Variants in ZBTB7C observed in about 807,000 individuals in gnomAD.
ZBTB7C encodes zinc finger and BTB domain-containing protein 7C.
ZBTB7C carries 8 observed loss-of-function variants against 25.7 expected under a neutral mutation model. The ratio of observed to expected loss-of-function variants is 0.31; its 90% CI spans 0.18 to 0.56. ZBTB7C has a LOEUF of 0.56. ZBTB7C is among the 20% of genes least tolerant of loss of function. ZBTB7C has a pLI of 0.91. For missense variants in ZBTB7C, 824 were observed against 855.2 expected (o/e 0.96, Z 0.46); for synonymous variants, 394 against 369.0 (o/e 1.07, Z -0.78).
At chr18:48,066,912 G>A (rs1297502126) in intron 3 of ZBTB7C, among the ~76,000 whole-genome samples, 3 of 152,266 alleles carry the variant, frequency 2.0e-5, no homozygotes, top group East Asian at 3.9e-4. Context: ...GACCAGCCTG[G>A]GCAACATGGT....
chr18:48,375,780 G>T (rs967528785), intron 1 of ZBTB7C, among the ~76,000 whole-genome samples: 2 of 152,194 alleles, frequency 1.3e-5, no homozygotes, highest in African/African-American at 4.8e-5. Flanking sequence ...TATGAGATTT[G>T]CATGGAGAGG....
chr18:48,381,770 TC>T (rs1261018363), intron 1 of ZBTB7C, among the ~76,000 whole-genome samples: 2 of 152,224 alleles, frequency 1.3e-5, no homozygotes, highest in Non-Finnish European at 2.9e-5. Context: ...GCTCCACATG[TC>T]TTCTTCACTC....
intron 2 of ZBTB7C, among the ~76,000 whole-genome samples, chr18:48,247,038 A>G (rs1235139925): frequency 6.6e-6 from 1 of 152,234 alleles, no homozygotes; most frequent in African/African-American, 2.4e-5. Context: ...AAGGGGTTCT[A>G]TTAATATGCT....
intron 2 of ZBTB7C, among the ~76,000 whole-genome samples, chr18:48,309,893 A>G (rs931672538): frequency 1.2e-4 from 19 of 152,170 alleles, no homozygotes; most frequent in Non-Finnish European, 2.5e-4. Context: ...GGTTCTGGTA[A>G]GAGTTGCAAA....
chr18:48,139,645 C>A (rs1568249914), intron 3 of ZBTB7C, among the ~76,000 whole-genome samples: 1 of 152,142 alleles, frequency 6.6e-6, no homozygotes. Flanking sequence ...GTGTGTGTGC[C>A]CTGCTGGGAC....
At chr18:48,068,196 T>G (rs2037404880) in intron 3 of ZBTB7C, among the ~76,000 whole-genome samples, 1 of 147,836 alleles carries the variant, frequency 6.8e-6, no homozygotes, top group Non-Finnish European at 1.5e-5. Flanking sequence ...TGAAGTGCAG[T>G]GGTGCAACCT....
At chr18:48,140,766 G>A (rs781110016) in intron 3 of ZBTB7C, among the ~76,000 whole-genome samples, 8 of 152,106 alleles carry the variant, frequency 5.3e-5, no homozygotes, top group African/African-American at 1.4e-4. Flanking sequence ...TCAGCGCCAC[G>A]CTTGCTGCCT....
At chr18:48,395,516 G>C (rs934095359) in intron 1 of ZBTB7C, among the ~76,000 whole-genome samples, 6 of 151,476 alleles carry the variant, frequency 4.0e-5, no homozygotes, top group Non-Finnish European at 1.5e-5. Flanking sequence ...GGGGTGATGT[G>C]TATGAAGGTG....
At chr18:48,393,953 A>C (rs911487626) in intron 1 of ZBTB7C, among the ~76,000 whole-genome samples, 1 of 152,254 alleles carries the variant, frequency 6.6e-6, no homozygotes, top group South Asian at 2.1e-4. Context: ...GGACACAATG[A>C]AGCAATCACT....
Position 48,335,559 on chromosome 18 carries a change from C to T in ZBTB7C, c.-79+2615G>A, listed in dbSNP as rs142604712. Among the ~76,000 whole-genome samples the T allele has an allele frequency of 3.2e-4, 48 of 152,174 alleles. No homozygotes were observed. In the East Asian group the frequency reaches 8.3e-3, roughly 26 times the overall value. ...TCTCTTATTATTCAAGAGAATGTCCCCAGGGATTCGTTATAGACATTTCAT... is the reference window on the plus strand; with the variant it reads ...TCTCTTATTATTCAAGAGAATGTCCTCAGGGATTCGTTATAGACATTTCAT... On this transcript the variant is annotated intron_variant, in intron 2 of 4. Coordinates refer to ENST00000590800, the MANE Select transcript of ZBTB7C (RefSeq NM_001318841.2).
chr18:48,091,362 C>T (rs2038409715), intron 3 of ZBTB7C, among the ~76,000 whole-genome samples: 1 of 149,476 alleles, frequency 6.7e-6, no homozygotes, highest in African/African-American at 2.5e-5. Context: ...GGATTGTAGG[C>T]ATGAGCCACC....
chr18:48,410,420 G>A (rs2048371440), upstream of ZBTB7C, among the ~76,000 whole-genome samples: 1 of 152,184 alleles, frequency 6.6e-6, no homozygotes, highest in Non-Finnish European at 1.5e-5. Context: ...GCGCAACAAT[G>A]CCAACGGGCG....
intron 1 of ZBTB7C, among the ~76,000 whole-genome samples, chr18:48,399,194 A>T (rs1376753723): frequency 6.6e-6 from 1 of 152,196 alleles, no homozygotes; most frequent in African/African-American, 2.4e-5. Context: ...ACATACACAC[A>T]TATGTTTTGT....
intron 3 of ZBTB7C, among the ~76,000 whole-genome samples, chr18:48,167,109 G>A (rs956210804): frequency 1.3e-5 from 2 of 152,118 alleles, no homozygotes; most frequent in South Asian, 2.1e-4. Context: ...TCCTGTGTCC[G>A]GTCCTTCCTT....
chr18:48,102,018 G>A (rs1007042387), intron 3 of ZBTB7C, among the ~76,000 whole-genome samples: 8 of 152,078 alleles, frequency 5.3e-5, no homozygotes, highest in African/African-American at 1.7e-4. Flanking sequence ...AGAACAAGAG[G>A]TTAGTCTTAA....
chr18:48,027,612 G>C lies in ZBTB7C; in HGVS notation c.*1648C>G, dbSNP rs2035568131. The C allele has an allele frequency of 6.6e-6, 1 of 152,248 alleles. No individual in the cohort carries two copies. The highest frequency in any genetic ancestry group is 2.4e-5 in the African/African-American group (1 of 41,456). The allele number at this position is 152,248 out of a possible 1,614,324, so 9.4% of individuals were successfully genotyped here. A position where few individuals can be genotyped will look rare whatever the true frequency, so the allele number is the denominator to read the frequency against. ...AGAATCAGGGGGTCTCTTCTGGAGA[G>C]TTGTGAGAGGGACAGAGTCTGTGCT... On this transcript the variant is annotated 3_prime_UTR_variant, in exon 5 of 5. Coordinates refer to ENST00000590800, the MANE Select transcript of ZBTB7C (RefSeq NM_001318841.2).
chr18:48,367,175 TTATATATATATA>T (rs71165321), intron 1 of ZBTB7C, among the ~76,000 whole-genome samples: 28,252 of 62,398 alleles, frequency 0.45, 6,251 homozygotes, highest in East Asian at 0.64. Flanking sequence ...TCCCCAAGTT[TTATATATATATA>T]TATATATATA....
chr18:48,039,922 T>G lies in ZBTB7C; in HGVS notation c.1186A>C (p.Ile396Leu). 6.2e-7 allele frequency: 1 copy of G among 1,613,336 alleles called. No individual in the cohort carries two copies. Among genetic ancestry groups the G allele is most frequent in the Non-Finnish European group, 8.5e-7 (1 of 1,180,026 alleles). The change falls in exon 4 of 5, where the codon ATC becomes CTC. Residue 396 changes from isoleucine (I) to leucine (L), a missense_variant. Ile to Leu is a conservative substitution (Grantham distance 5). Transcript: ENST00000590800. ...CACCTGGTGAAGCGGACCTCGCAGA[T>G]GGTGCACATGTATGGCTTCTCCCCG... ...HTGEKPYMCTICEVRFTRQDK... is the reference protein window; with the variant it reads ...HTGEKPYMCTLCEVRFTRQDK...
At chr18:48,228,437 T>C (rs962258309) in intron 2 of ZBTB7C, among the ~76,000 whole-genome samples, 2 of 152,092 alleles carry the variant, frequency 1.3e-5, no homozygotes, top group African/African-American at 4.8e-5. Context: ...GAGAGAAGGT[T>C]ATGGCACTGC....
Sources: allele counts gnomAD v4.1 joint callset (sites outside exome capture counted in the v4.1 genomes callset), GRCh38; gene constraint gnomAD v4.1.1; transcripts MANE v1.5; gene names NCBI Gene and HGNC (gene_info 2026-07-23, HGNC 2026-07-21).